The following TANGO6 variants were observed in gnomAD, a reference collection of about 807,000 sequenced individuals.
The protein encoded by TANGO6 is transport and golgi organization 6 homolog, also known as transport and Golgi organization protein 6 homolog.
Under a neutral mutation model 114.2 loss-of-function variants are expected in TANGO6, and 90 were observed. The observed-to-expected ratio is 0.79, with a 90% CI of 0.66 to 0.94. The LOEUF is 0.94. Among genes scored for constraint, TANGO6 ranks in the 40% least tolerant of loss-of-function variants. TANGO6 has a pLI of 0.00. For synonymous variants in TANGO6, 477 were observed against 509.8 expected (o/e 0.94, Z 0.87); for missense variants, 1,274 against 1,315.3 (o/e 0.97, Z 0.49).
intron 13 of TANGO6, among the ~76,000 whole-genome samples, chr16:68,928,298 A>ATTTTTTTTTTT (rs10701295): frequency 1.0e-5 from 1 of 98,570 alleles, no homozygotes; most frequent in Non-Finnish European, 1.9e-5. Context: ...CTGAGTGCCA[A>ATTTTTTTTTTT]TTTTTTTTTT....
chr16:68,938,113 G>T (rs970109485), intron 14 of TANGO6, among the ~76,000 whole-genome samples: 4 of 151,560 alleles, frequency 2.6e-5, no homozygotes, highest in African/African-American at 9.8e-5. Context: ...GTTATTGTCT[G>T]TCTTTTTATC....
At chr16:68,904,371 T>A (rs1962822468) in intron 9 of TANGO6, among the ~76,000 whole-genome samples, 1 of 152,210 alleles carries the variant, frequency 6.6e-6, no homozygotes, top group Admixed American at 6.5e-5. Context: ...ATTTTGGCTT[T>A]TCCTTTAACA....
chr16:69,032,332 C>G (rs1268052707), intron 16 of TANGO6, among the ~76,000 whole-genome samples: 1 of 152,048 alleles, frequency 6.6e-6, no homozygotes, highest in Non-Finnish European at 1.5e-5. Flanking sequence ...GTGGCACAAT[C>G]TCAACTCACT....
intron 17 of TANGO6, among the ~76,000 whole-genome samples, chr16:69,072,083 C>CGTGTGT (rs142254866): frequency 0.1 from 6,635 of 64,692 alleles, 439 homozygotes; most frequent in South Asian, 0.17. Context: ...AGAGGGAGAC[C>CGTGTGT]GTGTGTGTGT....
At chr16:68,905,512 G>C (rs1962838289) in intron 9 of TANGO6, among the ~76,000 whole-genome samples, 2 of 151,510 alleles carry the variant, frequency 1.3e-5, no homozygotes, top group Admixed American at 6.6e-5. Flanking sequence ...CTCCAGCCTA[G>C]GTGACGAGCG....
intron 1 of TANGO6, among the ~76,000 whole-genome samples, chr16:68,853,982 T>C (rs1220029548): frequency 6.6e-6 from 1 of 152,242 alleles, no homozygotes; most frequent in Non-Finnish European, 1.5e-5. Flanking sequence ...TTTGTTTTAT[T>C]GAGCTATAAA....
chr16:68,880,688 A>AT (rs553696214), intron 7 of TANGO6, 58 bp downstream of exon 7: 32 of 1,372,508 alleles, frequency 2.3e-5, no homozygotes, highest in Non-Finnish European at 2.8e-5. Flanking sequence ...TTTTTTTTAA[A>AT]TTTTTTCTTT....
chr16:68,974,293 AC>A, intron 15 of TANGO6, 125 bp downstream of exon 15: 1 of 1,072,796 alleles, frequency 9.3e-7, no homozygotes, highest in Non-Finnish European at 1.4e-6. Context: ...GCTGGGATGT[AC>A]CCATTTAGGA....
chr16:69,013,130 T>C (rs990735384), intron 15 of TANGO6, among the ~76,000 whole-genome samples: 6 of 152,036 alleles, frequency 3.9e-5, no homozygotes, highest in Admixed American at 2.6e-4. Context: ...TTTTTTTTTT[T>C]AATAGGTTAG....
At chr16:69,073,992 C>G (rs1960335468) in intron 17 of TANGO6, among the ~76,000 whole-genome samples, 1 of 151,146 alleles carries the variant, frequency 6.6e-6, no homozygotes, top group African/African-American at 2.4e-5. Context: ...TCGGGTGAGG[C>G]CACAGAGTCA....
intron 14 of TANGO6, among the ~76,000 whole-genome samples, chr16:68,952,025 C>G (rs911624818): frequency 2.0e-5 from 3 of 152,076 alleles, no homozygotes; most frequent in African/African-American, 7.2e-5. Flanking sequence ...CCTTTAAAGT[C>G]CCTCACCTCC....
At chr16:69,074,798 C>CTCTG (rs1555530705) in intron 17 of TANGO6, among the ~76,000 whole-genome samples, 67 of 135,250 alleles carry the variant, frequency 5.0e-4, no homozygotes, top group East Asian at 3.3e-3. Context: ...GTTCGAATGC[C>CTCTG]TGTGTGTGTG....
chr16:69,021,426 G>A (rs1043534081), intron 15 of TANGO6, among the ~76,000 whole-genome samples: 22 of 152,046 alleles, frequency 1.4e-4, no homozygotes, highest in African/African-American at 3.6e-4. Flanking sequence ...ACCTGAAGTC[G>A]GCCACCATTC....
chr16:69,055,898 G>A (rs186059641), intron 17 of TANGO6, among the ~76,000 whole-genome samples: 1 of 152,234 alleles, frequency 6.6e-6, no homozygotes, highest in Non-Finnish European at 1.5e-5. Context: ...AATTAGCCGG[G>A]AGTGGTGGTG....
rs766179598 is a variant in TANGO6 at position 68,860,040 on chromosome 16, C to T, written c.251C>T (p.Pro84Leu). The change falls in exon 2 of 18, where the codon CCA becomes CTA. Residue 84 changes from proline (P) to leucine (L), a missense_variant. Pro to Leu is a moderately conservative substitution (Grantham distance 98, BLOSUM62 -3). Transcript: ENST00000261778. Reference sequence around the variant, plus strand: ...GAAATTGCTGATAAGGCAGAATGGCCACAAAACTCTGTGGATGTCACTTGG... The same window carrying T: ...GAAATTGCTGATAAGGCAGAATGGCTACAAAACTCTGTGGATGTCACTTGG... The part of the protein sequence containing the change: ...RDEIADKAEW[P>L]QNSVDVTWSF... 1 of 1,613,956 alleles carries T rather than the reference C, an allele frequency of 6.2e-7. No homozygotes were observed. Among genetic ancestry groups the T allele is most frequent in the Non-Finnish European group, 8.5e-7 (1 of 1,179,890 alleles).
chr16:68,928,438 G>A (rs1963199258), intron 13 of TANGO6, among the ~76,000 whole-genome samples: 1 of 151,312 alleles, frequency 6.6e-6, no homozygotes, highest in East Asian at 1.9e-4. Flanking sequence ...CCGAGTAGCT[G>A]GGACTACAGG....
At chr16:68,893,962 C>G (rs1962669353) in intron 7 of TANGO6, among the ~76,000 whole-genome samples, 1 of 152,100 alleles carries the variant, frequency 6.6e-6, no homozygotes, top group South Asian at 2.1e-4. Context: ...GTGGAGCGGT[C>G]AGGCCCTGCC....
At chr16:69,082,384 A>G (rs1238902213) in intron 17 of TANGO6, among the ~76,000 whole-genome samples, 1 of 152,080 alleles carries the variant, frequency 6.6e-6, no homozygotes, top group Non-Finnish European at 1.5e-5. Context: ...GATTACAGGC[A>G]TGAGCCACCG....
At chr16:68,961,146 C>T (rs1963585803) in intron 14 of TANGO6, among the ~76,000 whole-genome samples, 1 of 152,222 alleles carries the variant, frequency 6.6e-6, no homozygotes, top group Admixed American at 6.5e-5. Context: ...CAGAGTTCCT[C>T]TCCTTATGCT....
Sources: gnomAD v4.1 joint callset for allele counts (sites outside exome capture counted in the v4.1 genomes callset) on GRCh38, gnomAD v4.1.1 for gene constraint, MANE v1.5 for transcripts, NCBI Gene and HGNC (gene_info 2026-07-23, HGNC 2026-07-21) for gene names.